ACLY: variants seen among roughly 807,000 people sequenced by gnomAD.
ACLY encodes the protein ATP-citrate synthase.
A neutral mutation model predicts 133.0 loss-of-function variants in ACLY; 41 were observed. The observed-to-expected ratio is 0.31, with a 90% confidence interval of 0.24 to 0.40. ACLY has a LOEUF of 0.40. Ranked by LOEUF, ACLY falls within the 10% of genes least tolerant of loss-of-function variation. The pLI is 1.00. For missense variants in ACLY, 1,046 were observed against 1,453.8 expected, an observed-to-expected ratio of 0.72 and a Z score of 4.56; for synonymous variants, 495 against 549.3, an observed-to-expected ratio of 0.90 and a Z score of 1.38.
chr17:41,889,749 G>A (rs1598000007), intron 16 of ACLY, among the ~76,000 whole-genome samples: 1 of 108,738 alleles, frequency 9.2e-6, no homozygotes, highest in Admixed American at 7.9e-5. Flanking sequence ...ACAATAGCAC[G>A]ACCTTGGCTC....
chr17:41,869,232 CCTT>C (rs1266874975), intron 26 of ACLY, 107 bp from the exon 27 acceptor site: 35 of 1,096,906 alleles, frequency 3.2e-5, no homozygotes, highest in South Asian at 1.2e-4. Flanking sequence ...CATTTAAAAA[CCTT>C]CTACCAGCCC....
At chr17:41,902,615 G>A (rs2049573878) in intron 10 of ACLY, among the ~76,000 whole-genome samples, 1 of 152,180 alleles carries the variant, frequency 6.6e-6, no homozygotes, top group South Asian at 2.1e-4. Flanking sequence ...CTAGATTTTT[G>A]AGCCTAGAGT....
At chr17:41,894,376 C>CAAAAAAA (rs11351286) in intron 14 of ACLY, among the ~76,000 whole-genome samples, 1 of 59,952 alleles carries the variant, frequency 1.7e-5, no homozygotes, top group Non-Finnish European at 3.0e-5. Context: ...GACCCTGTCT[C>CAAAAAAA]AAAAAAAAAA....
intron 11 of ACLY, among the ~76,000 whole-genome samples, chr17:41,901,116 G>T (rs537585625): frequency 6.6e-6 from 1 of 151,538 alleles, no homozygotes; most frequent in East Asian, 1.9e-4. Flanking sequence ...CACCATGACC[G>T]GCTAATTTTT....
intron 1 of ACLY, among the ~76,000 whole-genome samples, chr17:41,925,847 G>C (rs1251580129): frequency 6.6e-6 from 1 of 151,514 alleles, no homozygotes. Flanking sequence ...CTACATAGGT[G>C]TACTTTTTTT....
intron 1 of ACLY, among the ~76,000 whole-genome samples, chr17:41,925,256 C>T (rs533964273): frequency 1.1e-3 from 160 of 151,076 alleles, no homozygotes; most frequent in South Asian, 2.7e-3. Context: ...GGCGACAGAG[C>T]GAAACTCTGT....
At chr17:41,922,236 G>A (rs1179165243), upstream of ACLY, among the ~76,000 whole-genome samples, 3 of 151,064 alleles carry the variant, frequency 2.0e-5, no homozygotes, top group Admixed American at 1.3e-4. Context: ...AAAAATAGCC[G>A]GGCATGGTGG....
intron 16 of ACLY, among the ~76,000 whole-genome samples, chr17:41,888,766 T>C (rs929851467): frequency 1.3e-5 from 2 of 152,016 alleles, no homozygotes; most frequent in East Asian, 1.9e-4. Flanking sequence ...AGTTGCATGA[T>C]TGCATCACTG....
intron 26 of ACLY, 108 bp from the exon 27 acceptor site, chr17:41,869,233 C>A: frequency 9.3e-7 from 1 of 1,077,232 alleles, no homozygotes; most frequent in Non-Finnish European, 1.4e-6. Context: ...ATTTAAAAAC[C>A]TTCTACCAGC....
rs1555634032 is a variant in ACLY at position 41,913,702 on chromosome 17, A to G, written c.159+13T>C. On this transcript the variant is annotated intron_variant, in intron 2 of 28. Coordinates refer to ENST00000352035, the MANE Select transcript of ACLY (RefSeq NM_001096.3). ...GGCCTGGAAGAAAGGCCCAAAGTGG[A>G]GGCAGGGCTCACCTGGCTGAGCAGC... The G allele has an allele frequency of 6.2e-7, 1 of 1,612,984 alleles. No individual in the cohort carries two copies. The highest frequency in any genetic ancestry group is 1.3e-5 in the African/African-American group (1 of 75,038).
chr17:41,890,856 A>AAAAAG (rs1555629109), intron 16 of ACLY, among the ~76,000 whole-genome samples: 1 of 150,376 alleles, frequency 6.6e-6, no homozygotes, highest in Non-Finnish European at 1.5e-5. Flanking sequence ...AAAAAAAAAA[A>AAAAAG]AAAGCCAGGT....
intron 14 of ACLY, among the ~76,000 whole-genome samples, chr17:41,895,969 C>T (rs1256693087): frequency 6.6e-6 from 1 of 152,178 alleles, no homozygotes; most frequent in Non-Finnish European, 1.5e-5. Flanking sequence ...TAAAATGTGA[C>T]CTCATACACC....
intron 11 of ACLY, 71 bp downstream of exon 11, chr17:41,901,625 G>C (rs1045300713): frequency 3.7e-5 from 48 of 1,299,810 alleles, no homozygotes; most frequent in Non-Finnish European, 4.8e-5. Context: ...TGATGCTCAG[G>C]AATCAGAAAT....
intron 7 of ACLY, 87 bp downstream of exon 7, chr17:41,907,355 T>C (rs2049750350): frequency 2.7e-6 from 3 of 1,130,272 alleles, no homozygotes; most frequent in Admixed American, 2.2e-5. Flanking sequence ...AAACAGCTCA[T>C]GAAGGGGGGC....
Position 41,928,151 on chromosome 17 carries a change from A to T in ACLY, c.-28+2207T>A, listed in dbSNP as rs574679963. ...CAACTCTCTCTCAAAAAATAAAAAT[A>T]AAAATTAATTAAATACATATTTACA... is the stretch of plus-strand genomic sequence containing the variant. On this transcript the variant is annotated intron_variant, in intron 1 of 3. Transcript: ENST00000592970. Among the ~76,000 whole-genome samples, 16 of 152,232 alleles carry T rather than the reference A, an allele frequency of 1.1e-4. No individual in the cohort carries two copies. In the South Asian group the frequency reaches 1.2e-3, roughly 12 times the overall value.
chr17:41,909,750 C>G, intron 4 of ACLY, 50 bp from the exon 5 acceptor site: 2 of 1,564,554 alleles, frequency 1.3e-6, no homozygotes, highest in East Asian at 2.3e-5. Flanking sequence ...GGGGGCGAAG[C>G]TGGTGAGGGG....
At chr17:41,924,463 G>A (rs1555635792) in intron 1 of ACLY, among the ~76,000 whole-genome samples, 1 of 151,970 alleles carries the variant, frequency 6.6e-6, no homozygotes, top group African/African-American at 2.4e-5. Flanking sequence ...TTTTTCAAAT[G>A]CATTTTCTGT....
intron 9 of ACLY, 91 bp from the exon 10 acceptor site, chr17:41,904,881 CT>C: frequency 7.8e-7 from 1 of 1,282,982 alleles, no homozygotes; most frequent in Non-Finnish European, 1.1e-6. Context: ...TCTTGTTCCC[CT>C]GAATGAGGGT....
rs1358177370 is a variant in ACLY at position 41,867,009 on chromosome 17, T to C, written c.*801A>G. 5.2e-5 allele frequency: 8 copies of C among 152,704 alleles called. No individual in the cohort carries two copies. The highest frequency in any genetic ancestry group is 1.9e-4 in the African/African-American group (8 of 41,564). 9.5% of individuals were successfully genotyped at this position (152,704 alleles called of 1,614,324 possible). A position where few individuals can be genotyped will look rare whatever the true frequency, so the allele number is the denominator to read the frequency against. On this transcript the variant is annotated 3_prime_UTR_variant, in exon 29 of 29. Transcript: ENST00000352035. ...GGCAGCTGCCCAGAATCTTTGTGGA[T>C]TACAGATGCAAAGTAGTTAGGAGTC...
Sources: gnomAD v4.1 joint callset for allele counts (sites outside exome capture counted in the v4.1 genomes callset) on GRCh38, gnomAD v4.1.1 for gene constraint, MANE v1.5 for transcripts, NCBI Gene and HGNC (gene_info 2026-07-23, HGNC 2026-07-21) for gene names.